Variants in AAGAB observed in about 807,000 individuals in gnomAD.
AAGAB encodes the protein alpha- and gamma-adaptin-binding protein p34.
In AAGAB, 38 loss-of-function variants were observed where a neutral mutation model predicts 44.1. The ratio of observed to expected loss-of-function variants is 0.86; its 90% CI spans 0.67 to 1.13. AAGAB has a LOEUF of 1.13. Among genes scored for constraint, AAGAB ranks in the 50% most tolerant of loss-of-function variants. The pLI is 0.00. For missense variants in AAGAB, 450 were observed against 373.8 expected (o/e 1.20, Z -1.68); for synonymous variants, 131 against 131.8 (o/e 0.99, Z 0.04).
chr15:67,203,872 T>A (rs1451889184), intron 8 of AAGAB, among the ~76,000 whole-genome samples, 172 bp downstream of exon 8: 1 of 151,764 alleles, frequency 6.6e-6, no homozygotes, highest in Non-Finnish European at 1.5e-5. Context: ...GATGGAAAAA[T>A]TTTCCCCAGG....
At chr15:67,223,472 T>C (rs1323335205) in intron 5 of AAGAB, among the ~76,000 whole-genome samples, 1 of 152,202 alleles carries the variant, frequency 6.6e-6, no homozygotes, top group Non-Finnish European at 1.5e-5. Context: ...CTTTTTCTCA[T>C]ATCTCATATC....
intron 1 of AAGAB, among the ~76,000 whole-genome samples, chr15:67,245,474 A>C (rs1964698716): frequency 6.6e-6 from 1 of 152,236 alleles, no homozygotes; most frequent in Non-Finnish European, 1.5e-5. Context: ...CACGGAGCTG[A>C]GGAGTGACTG....
At chr15:67,203,672 G>T in intron 8 of AAGAB, 75 bp from the exon 9 acceptor site, 3 of 1,278,280 alleles carry the variant, frequency 2.3e-6, no homozygotes, top group Middle Eastern at 1.8e-4. Context: ...AACACTAGAA[G>T]ATGGGAGACG....
chr15:67,203,515 G>C (rs774390658), intron 9 of AAGAB, 33 bp downstream of exon 9: 3 of 1,594,286 alleles, frequency 1.9e-6, no homozygotes, highest in Non-Finnish European at 2.6e-6. Context: ...ACCTTTTATA[G>C]GTATTCAATA....
rs943265614 is a variant in AAGAB at position 67,201,605 on chromosome 15, T to C, written c.*1216A>G. ...TGCGGGCACCTTCCATCCACTGTAC[T>C]ATGTGCCAGTTCAGAGCCACAGCAG... On this transcript the variant is annotated 3_prime_UTR_variant, in exon 10 of 10. Coordinates refer to ENST00000261880, the MANE Select transcript of AAGAB (RefSeq NM_024666.5). The C allele has an allele frequency of 1.3e-5, 2 of 152,386 alleles. No individual in the cohort carries two copies. Among genetic ancestry groups the C allele is most frequent in the Non-Finnish European group, 2.9e-5 (2 of 68,088 alleles). The allele number at this position is 152,386 out of a possible 1,614,324, so 9.4% of individuals were successfully genotyped here. A position where few individuals can be genotyped will look rare whatever the true frequency, so the allele number is the denominator to read the frequency against.
At chr15:67,238,524 A>G (rs1037043207) in intron 1 of AAGAB, among the ~76,000 whole-genome samples, 3 of 152,270 alleles carry the variant, frequency 2.0e-5, no homozygotes, top group Non-Finnish European at 2.9e-5. Context: ...AAGGTGGCAT[A>G]GTAACACGTG....
At chr15:67,243,926 T>C (rs1035691300) in intron 1 of AAGAB, among the ~76,000 whole-genome samples, 1 of 152,190 alleles carries the variant, frequency 6.6e-6, no homozygotes, top group Admixed American at 6.5e-5. Flanking sequence ...ACTTTGAAAA[T>C]AATCTATGAA....
chr15:67,214,529 A>G (rs560681391), intron 5 of AAGAB, among the ~76,000 whole-genome samples: 3 of 152,352 alleles, frequency 2.0e-5, no homozygotes, highest in East Asian at 3.9e-4. Context: ...CCAGATGCCT[A>G]TAAGACTGCC....
chr15:67,255,013 C>T (rs569611185), upstream of AAGAB: 14 of 1,485,060 alleles, frequency 9.4e-6, no homozygotes, highest in East Asian at 7.1e-5. Context: ...AGGTCCCGCG[C>T]GCCGATTCAC....
rs537893205 is a variant in AAGAB at position 67,250,883 on chromosome 15, C to T, written c.73+3676G>A. 8.5e-5 allele frequency among the ~76,000 whole-genome samples: 13 copies of T among 152,176 alleles called. No individual in the cohort carries two copies. The South Asian group carries it at 2.1e-3, about 24-fold the overall frequency. Reference sequence around the variant, plus strand: ...CTACTAAAAAATACAAAAAATTACCCGAGCTTGGTGGTGGGCGCCTGTAGT... The same window carrying T: ...CTACTAAAAAATACAAAAAATTACCTGAGCTTGGTGGTGGGCGCCTGTAGT... On this transcript the variant is annotated intron_variant, in intron 1 of 9. Transcript: ENST00000261880.
upstream of AAGAB, chr15:67,255,166 T>C (rs1415108383): frequency 2.2e-5 from 13 of 593,778 alleles, no homozygotes; most frequent in Admixed American, 1.8e-4. Flanking sequence ...AAGCAGGACT[T>C]TCTGCCTCTG....
chr15:67,225,295 A>G (rs1446389208), intron 5 of AAGAB, among the ~76,000 whole-genome samples: 1 of 152,212 alleles, frequency 6.6e-6, no homozygotes, highest in Non-Finnish European at 1.5e-5. Flanking sequence ...ATCAGCTGCT[A>G]TTAGTATCAC....
chr15:67,255,056 ACT>A, upstream of AAGAB: 3 of 1,049,944 alleles, frequency 2.9e-6, no homozygotes, highest in African/African-American at 1.6e-5. Context: ...CCGCCCCTAG[ACT>A]CCCTCCAACT....
chr15:67,236,005 C>T lies in AAGAB; in HGVS notation c.425G>A (p.Ser142Asn), dbSNP rs1964452596. Residue 142 changes from serine to asparagine, a missense_variant, in exon 4 of 10, where the codon AGT becomes AAT. Ser to Asn is a conservative substitution (Grantham distance 46). Transcript: ENST00000261880. Reference protein sequence around the residue: ...IKHGFELVELSPEELPEEDDD... With the variant: ...IKHGFELVELNPEELPEEDDD... ...ATCCTCCTCAGGCAACTCCTCTGGA[C>T]TAAGTTCTACCAATTCAAAGCCATG... 1.2e-6 allele frequency: 2 copies of T among 1,613,400 alleles called. No individual in the cohort carries two copies. Among genetic ancestry groups the T allele is most frequent in the Non-Finnish European group, 1.7e-6 (2 of 1,179,602 alleles).
intron 5 of AAGAB, among the ~76,000 whole-genome samples, chr15:67,222,282 A>ACACACACACACACACACACACACCCC (rs796412643): frequency 2.2e-4 from 31 of 139,838 alleles, no homozygotes; most frequent in Admixed American, 1.8e-3. Context: ...ACACACACAC[A>ACACACACACACACACACACACACCCC]CCCTCCACCC....
chr15:67,248,896 A>T (rs1239466946), intron 1 of AAGAB, among the ~76,000 whole-genome samples: 1 of 152,206 alleles, frequency 6.6e-6, no homozygotes, highest in Non-Finnish European at 1.5e-5. Context: ...CTACTCCATA[A>T]CTAAATTTTC....
intron 5 of AAGAB, among the ~76,000 whole-genome samples, chr15:67,228,691 A>C (rs1317129528): frequency 6.6e-6 from 1 of 152,200 alleles, no homozygotes; most frequent in Non-Finnish European, 1.5e-5. Flanking sequence ...TCATCACAGC[A>C]CTATTCACAA....
chr15:67,253,733 G>T (rs1193147455), intron 1 of AAGAB, among the ~76,000 whole-genome samples: 2 of 151,292 alleles, frequency 1.3e-5, no homozygotes, highest in African/African-American at 4.9e-5. Flanking sequence ...CAGCCCGGGC[G>T]ACAGAGCAAG....
rs776328523 is a variant in AAGAB at position 67,200,823 on chromosome 15, G to A, written c.*1998C>T. Among the ~76,000 whole-genome samples the A allele has an allele frequency of 6.6e-6, 1 of 152,152 alleles. No individual in the cohort carries two copies. The highest frequency in any genetic ancestry group is 1.5e-5 in the Non-Finnish European group (1 of 68,028). The stretch of plus-strand genomic sequence containing the variant: ...TTCACTAGAGACCTTCATCCCATAT[G>A]TCCCTAGAAGAGGCCAATATCCCTG... On this transcript the variant is annotated 3_prime_UTR_variant, in exon 10 of 10. Transcript: ENST00000261880.
Sources: allele counts gnomAD v4.1 joint callset (sites outside exome capture counted in the v4.1 genomes callset), GRCh38; gene constraint gnomAD v4.1.1; transcripts MANE v1.5; gene names NCBI Gene and HGNC (gene_info 2026-07-23, HGNC 2026-07-21).